Variants in CTNNA2 observed in about 807,000 individuals in gnomAD.
The protein encoded by CTNNA2 is catenin alpha 2, also known as catenin alpha-2.
CTNNA2 carries 42 observed loss-of-function variants against 101.0 expected under a neutral mutation model. The ratio of observed to expected loss-of-function variants is 0.42; its 90% CI spans 0.32 to 0.54. CTNNA2 has a LOEUF of 0.54. Among genes scored for constraint, CTNNA2 ranks in the 20% least tolerant of loss-of-function variants. The pLI, the probability that CTNNA2 is intolerant of heterozygous loss-of-function variation, is 0.14. For missense variants in CTNNA2, 871 were observed against 1,223.1 expected (o/e 0.71, Z 4.29); for synonymous variants, 450 against 456.4 (o/e 0.99, Z 0.18).
At chr2:80,484,727 C>T (rs538961675) in intron 9 of CTNNA2, among the ~76,000 whole-genome samples, 2 of 152,224 alleles carry the variant, frequency 1.3e-5, no homozygotes, top group African/African-American at 4.8e-5. Flanking sequence ...ATGGGTCTGG[C>T]TGGGCGCAGT....
intron 9 of CTNNA2, among the ~76,000 whole-genome samples, chr2:80,525,968 T>C (rs923221444): frequency 3.3e-5 from 5 of 152,168 alleles, no homozygotes; most frequent in African/African-American, 1.2e-4. Flanking sequence ...TTGAAAGTAA[T>C]GTCAAAAACC....
In CTNNA2 at chr2:79,636,507, G is replaced by GT. The variant is rs568681726; in HGVS notation, c.-5-15044dup. ...GAGAGGGTACAAGAAGACCAGGAGA[G>GT]TATAGTATTCTATTCTTGAAACAAA... On this transcript the variant is annotated intron_variant, in intron 1 of 18. Coordinates refer to ENST00000402739, the MANE Select transcript of CTNNA2 (RefSeq NM_001282597.3). Among the ~76,000 whole-genome samples, 19 of 151,900 alleles carry GT rather than the reference G, an allele frequency of 1.3e-4. No homozygotes were observed. In the South Asian group the frequency reaches 3.9e-3, roughly 32 times the overall value.
chr2:79,439,656 G>T (rs1467807879), intron 4 of CTNNA2, among the ~76,000 whole-genome samples: 1 of 152,122 alleles, frequency 6.6e-6, no homozygotes, highest in Admixed American at 6.6e-5. Context: ...AGTAAGTCTG[G>T]GGTGGGGCCT....
chr2:80,209,926 G>A (rs1707780301), intron 7 of CTNNA2, among the ~76,000 whole-genome samples: 1 of 152,116 alleles, frequency 6.6e-6, no homozygotes, highest in Admixed American at 6.6e-5. Flanking sequence ...TTACAGAAAA[G>A]CCTAATGTAG....
intron 1 of CTNNA2, among the ~76,000 whole-genome samples, chr2:79,602,955 G>A (rs139560691): frequency 3.3e-5 from 5 of 152,198 alleles, no homozygotes; most frequent in Non-Finnish European, 7.4e-5. Context: ...GTGGTAAGAC[G>A]AATCTGAAGT....
chr2:80,467,390 CTGTTA>C (rs1464020883), intron 9 of CTNNA2, among the ~76,000 whole-genome samples: 3 of 152,172 alleles, frequency 2.0e-5, no homozygotes, highest in African/African-American at 7.2e-5. Flanking sequence ...ATGTACCAGT[CTGTTA>C]TAAGACACTA....
upstream of CTNNA2, among the ~76,000 whole-genome samples, chr2:79,512,579 T>A (rs547153515): frequency 3.1e-4 from 39 of 127,230 alleles, no homozygotes; most frequent in African/African-American, 1.1e-3. Context: ...CCCGCCCCTA[T>A]CCTGCCCGCT....
chr2:79,524,298 T>C (rs1207960167), intron 1 of CTNNA2, among the ~76,000 whole-genome samples: 8 of 152,048 alleles, frequency 5.3e-5, no homozygotes, highest in Admixed American at 5.2e-4. Flanking sequence ...CATTTTGTGT[T>C]ATTGCTATCT....
At chr2:79,647,996 G>A (rs985174118) in intron 1 of CTNNA2, among the ~76,000 whole-genome samples, 5 of 152,130 alleles carry the variant, frequency 3.3e-5, no homozygotes, top group South Asian at 2.1e-4. Context: ...GTCTACTCAC[G>A]TCATATTTCT....
chr2:80,639,564 A>T (rs1023900695), intron 18 of CTNNA2, among the ~76,000 whole-genome samples: 9 of 138,520 alleles, frequency 6.5e-5, no homozygotes, highest in African/African-American at 2.3e-4. Flanking sequence ...AATAAATACA[A>T]CATATCTGTG....
At chr2:80,500,707 T>C (rs901192297) in intron 9 of CTNNA2, among the ~76,000 whole-genome samples, 42 of 152,332 alleles carry the variant, frequency 2.8e-4, no homozygotes, top group Middle Eastern at 3.4e-3. Flanking sequence ...GCTGACAGAA[T>C]GTACAAAGGG....
chr2:80,028,505 A>C (rs1363221489), intron 7 of CTNNA2, among the ~76,000 whole-genome samples: 3 of 152,146 alleles, frequency 2.0e-5, no homozygotes, highest in Non-Finnish European at 4.4e-5. Context: ...TTTTCTTTGG[A>C]TTCTTTGTCA....
intron 4 of CTNNA2, among the ~76,000 whole-genome samples, chr2:79,422,051 G>A (rs1558663221): frequency 6.6e-6 from 1 of 152,226 alleles, no homozygotes; most frequent in East Asian, 1.9e-4. Context: ...TACTTGGGAG[G>A]CTGAGGCAGG....
At chr2:79,626,898 T>C (rs947063004) in intron 1 of CTNNA2, among the ~76,000 whole-genome samples, 20 of 152,134 alleles carry the variant, frequency 1.3e-4, no homozygotes, top group African/African-American at 4.8e-4. Context: ...AATTTTCCCG[T>C]AATGCTTATG....
chr2:80,203,096 T>G (rs1707306240), intron 7 of CTNNA2, among the ~76,000 whole-genome samples: 1 of 152,178 alleles, frequency 6.6e-6, no homozygotes, highest in African/African-American at 2.4e-5. Flanking sequence ...ATCCCCATTA[T>G]TCAATCATCT....
intron 18 of CTNNA2, among the ~76,000 whole-genome samples, chr2:80,623,493 A>G (rs557195485): frequency 6.6e-6 from 1 of 152,090 alleles, no homozygotes; most frequent in South Asian, 2.1e-4. Context: ...ACTGAAGCTG[A>G]AAATGTCAGA....
chr2:80,648,295 T>C lies in CTNNA2; in HGVS notation c.*423T>C, dbSNP rs1344665648. On this transcript the variant is annotated 3_prime_UTR_variant, in exon 19 of 19. Transcript: ENST00000402739. Reference sequence around the variant, plus strand: ...TAGAACATAAAACTTGTATTGCTTCTGTTTCAGTGCAAAAATGTACTAGCC... The same window carrying C: ...TAGAACATAAAACTTGTATTGCTTCCGTTTCAGTGCAAAAATGTACTAGCC... The C allele has an allele frequency of 6.4e-6, 1 of 155,112 alleles. No homozygotes were observed. Among genetic ancestry groups the C allele is most frequent in the East Asian group, 1.9e-4 (1 of 5,300 alleles). 9.6% of individuals were successfully genotyped at this position (155,112 alleles called of 1,614,324 possible). A position where few individuals can be genotyped will look rare whatever the true frequency, so the allele number is the denominator to read the frequency against.
intron 7 of CTNNA2, among the ~76,000 whole-genome samples, chr2:79,966,097 T>A (rs568625919): frequency 2.6e-5 from 4 of 152,272 alleles, no homozygotes; most frequent in South Asian, 2.1e-4. Context: ...TGAGTTTTTT[T>A]AATATCATTT....
At chr2:79,274,196 A>G (rs1360599977) in intron 2 of CTNNA2, among the ~76,000 whole-genome samples, 2 of 152,146 alleles carry the variant, frequency 1.3e-5, no homozygotes, top group East Asian at 3.9e-4. Flanking sequence ...TATGTTCTCA[A>G]TCAGCTCTCT....
Sources: allele counts gnomAD v4.1 joint callset (sites outside exome capture counted in the v4.1 genomes callset), GRCh38; gene constraint gnomAD v4.1.1; transcripts MANE v1.5; gene names NCBI Gene and HGNC (gene_info 2026-07-23, HGNC 2026-07-21).